Variants in PARD6G observed in about 807,000 individuals in gnomAD.
PARD6G encodes the protein par-6 family cell polarity regulator gamma.
A neutral mutation model predicts 10.7 loss-of-function variants in PARD6G; 7 were observed. That is an observed-to-expected ratio of 0.66 (90% CI 0.37 to 1.23). The LOEUF is 1.23. Among genes scored for constraint, PARD6G ranks in the 50% most tolerant of loss-of-function variants. The probability of loss-of-function intolerance (pLI) is 0.02; values close to 1 mark genes in which losing one functional copy is unlikely to be tolerated. For synonymous variants in PARD6G, 287 were observed against 269.4 expected (o/e 1.07, Z -0.64); for missense variants, 548 against 571.8 (o/e 0.96, Z 0.42).
chr18:80,204,203 C>T (rs189214627), intron 1 of PARD6G, among the ~76,000 whole-genome samples: 1 of 152,224 alleles, frequency 6.6e-6, no homozygotes, highest in African/African-American at 2.4e-5. Flanking sequence ...AGATTGGTTC[C>T]AAAATATATA....
In PARD6G at chr18:80,200,474, G is replaced by A. The variant is rs1461082158; in HGVS notation, c.295+2236C>T. Among the ~76,000 whole-genome samples, 1 of 152,148 alleles carries A rather than the reference G, an allele frequency of 6.6e-6. No individual in the cohort carries two copies. The highest frequency in any genetic ancestry group is 1.5e-5 in the Non-Finnish European group (1 of 68,034). On this transcript the variant is annotated intron_variant, in intron 2 of 2. Coordinates refer to ENST00000353265, the MANE Select transcript of PARD6G (RefSeq NM_032510.4). The surrounding 1 kb of genome is among the most constrained non-coding windows in gnomAD (Gnocchi z 4.4). Reference sequence around the variant, plus strand: ...ACCCCAGAGACAGGCACTACCACCCGTGCCACAGATGAGGACGGTAGAGCT... The same window carrying A: ...ACCCCAGAGACAGGCACTACCACCCATGCCACAGATGAGGACGGTAGAGCT...
Position 80,159,580 on chromosome 18 carries a change from C to G in PARD6G, c.*191G>C. 1 of 944,740 alleles carries G rather than the reference C, an allele frequency of 1.1e-6. No homozygotes were observed. The highest frequency in any genetic ancestry group is 1.4e-6 in the Non-Finnish European group (1 of 713,104). The allele number at this position is 944,740 out of a possible 1,614,324, so 58.5% of individuals were successfully genotyped here. On this transcript the variant is annotated 3_prime_UTR_variant, in exon 3 of 3. Transcript: ENST00000353265. ...GGTATAGAGTGTCTCTACAGGCGTT[C>G]ATTTTAAGTTCTGTGGCGAAATTCT...
At chr18:80,179,143 C>T (rs1036925632) in intron 2 of PARD6G, among the ~76,000 whole-genome samples, 17 of 152,134 alleles carry the variant, frequency 1.1e-4, no homozygotes, top group African/African-American at 3.4e-4. Context: ...CACCAGAAGC[C>T]GGCCCAGTGC....
At chr18:80,217,120 A>T (rs766841971) in intron 1 of PARD6G, among the ~76,000 whole-genome samples, 4 of 152,208 alleles carry the variant, frequency 2.6e-5, no homozygotes, top group Non-Finnish European at 4.4e-5. Context: ...CAAAGCCCAT[A>T]ATCATGTGGG....
intron 1 of PARD6G, among the ~76,000 whole-genome samples, chr18:80,216,196 C>T (rs1967163994): frequency 6.6e-6 from 1 of 151,960 alleles, no homozygotes. Flanking sequence ...TTTAATATCC[C>T]AATTTTTATA....
chr18:80,187,494 G>C (rs772059611), intron 2 of PARD6G, among the ~76,000 whole-genome samples: 4 of 152,226 alleles, frequency 2.6e-5, no homozygotes, highest in Non-Finnish European at 5.9e-5. Flanking sequence ...CCTCAGTGCG[G>C]CTGGGCTGTT....
chr18:80,237,424 TC>T (rs1345339034), intron 1 of PARD6G, among the ~76,000 whole-genome samples: 2 of 152,138 alleles, frequency 1.3e-5, no homozygotes, highest in Admixed American at 6.6e-5. Flanking sequence ...GCAATACCAT[TC>T]AGGACATAGG....
At position 80,210,594 on chromosome 18, in the gene PARD6G, T is replaced by C. The variant is rs540678287; in HGVS notation, c.73-7662A>G. Among the ~76,000 whole-genome samples the C allele has an allele frequency of 6.7e-4, 102 of 152,328 alleles. 1 individual carries two copies. The highest frequency in any genetic ancestry group is 2.3e-3 in the African/African-American group (94 of 41,570). ...AAAGCCTTGTCCCCAGGGCATTTGCTGAACACAATCAGCATCAGCTGTTTA... is the reference window on the plus strand; with the variant it reads ...AAAGCCTTGTCCCCAGGGCATTTGCCGAACACAATCAGCATCAGCTGTTTA... On this transcript the variant is annotated intron_variant, in intron 1 of 2. Coordinates refer to ENST00000353265, the MANE Select transcript of PARD6G (RefSeq NM_032510.4).
At chr18:80,219,028 C>T in intron 1 of PARD6G, among the ~76,000 whole-genome samples, 1 of 152,220 alleles carries the variant, frequency 6.6e-6, no homozygotes, top group Non-Finnish European at 1.5e-5. Context: ...CTGGACCTGG[C>T]CCAGGAAACC....
intron 1 of PARD6G, among the ~76,000 whole-genome samples, chr18:80,207,586 C>T (rs375267718): frequency 1.3e-5 from 2 of 152,314 alleles, no homozygotes; most frequent in South Asian, 2.1e-4. Flanking sequence ...CTATAACAAT[C>T]TATTTCATTT....
At chr18:80,166,529 C>T (rs965785466) in intron 2 of PARD6G, among the ~76,000 whole-genome samples, 1 of 148,986 alleles carries the variant, frequency 6.7e-6, no homozygotes, top group Non-Finnish European at 1.5e-5. Flanking sequence ...GTTACAGCCT[C>T]CTCCATGGTC....
At position 80,201,486 on chromosome 18, in the gene PARD6G, G is replaced by A. The variant is rs754822254; in HGVS notation, c.295+1224C>T. On this transcript the variant is annotated intron_variant, in intron 2 of 2. Transcript: ENST00000353265. This position sits in a 1 kb window ranked among gnomAD's most constrained non-coding sequence, Gnocchi z 5.9. ...TGATGTGGAAGCTGAAGCTCAGCCC[G>A]TCCCCCAGGCCACTGTGAGGAAGTG... 9.2e-5 allele frequency among the ~76,000 whole-genome samples: 14 copies of A among 152,188 alleles called. No homozygotes were observed. The highest frequency in any genetic ancestry group is 2.7e-4 in the African/African-American group (11 of 41,440).
intron 2 of PARD6G, among the ~76,000 whole-genome samples, chr18:80,173,772 C>A (rs988960042): frequency 6.6e-6 from 1 of 152,196 alleles, no homozygotes; most frequent in African/African-American, 2.4e-5. Context: ...AACCCAGACA[C>A]ACTTTTCTCT....
At chr18:80,178,896 C>T (rs1295652683) in intron 2 of PARD6G, among the ~76,000 whole-genome samples, 2 of 152,190 alleles carry the variant, frequency 1.3e-5, no homozygotes, top group African/African-American at 4.8e-5. Context: ...AGTAGCTCCT[C>T]TTCTGGGGAG....
chr18:80,220,141 A>C (rs1967213781), intron 1 of PARD6G, among the ~76,000 whole-genome samples: 1 of 152,222 alleles, frequency 6.6e-6, no homozygotes, highest in African/African-American at 2.4e-5. Flanking sequence ...TGGAAGGGGA[A>C]GCAAACATGT....
rs1472230633 is a variant in PARD6G at position 80,192,376 on chromosome 18, G to A, written c.295+10334C>T. Among the ~76,000 whole-genome samples, 2 of 152,148 alleles carry A rather than the reference G, an allele frequency of 1.3e-5. No individual in the cohort carries two copies. Among genetic ancestry groups the A allele is most frequent in the Admixed American group, 6.5e-5 (1 of 15,286 alleles). ...ATCTGTTTTGGAGCCCTTAGGTGAG[G>A]CCTCAACTGAATGCCAACCCTAACT... On this transcript the variant is annotated intron_variant, in intron 2 of 2. Transcript: ENST00000353265. This position sits in a 1 kb window ranked among gnomAD's most constrained non-coding sequence, Gnocchi z 4.9.
intron 1 of PARD6G, among the ~76,000 whole-genome samples, chr18:80,205,451 T>A (rs1167902586): frequency 1.3e-5 from 2 of 152,142 alleles, no homozygotes; most frequent in Non-Finnish European, 2.9e-5. Context: ...TGAATTGTAA[T>A]CCCCAGTGTT....
intron 1 of PARD6G, among the ~76,000 whole-genome samples, chr18:80,227,475 C>T (rs963813191): frequency 6.6e-6 from 1 of 152,230 alleles, no homozygotes; most frequent in Non-Finnish European, 1.5e-5. Context: ...AAGATGTTTT[C>T]AAGCAACAAA....
intron 1 of PARD6G, among the ~76,000 whole-genome samples, chr18:80,239,125 G>C (rs1477397027): frequency 6.6e-6 from 1 of 152,128 alleles, no homozygotes; most frequent in African/African-American, 2.4e-5. Flanking sequence ...ATGAGTGACT[G>C]ATGTGAAGGG....
Sources: allele counts gnomAD v4.1 joint callset (sites outside exome capture counted in the v4.1 genomes callset), GRCh38; gene constraint gnomAD v4.1.1; non-coding constraint Gnocchi (gnomAD v3.1); transcripts MANE v1.5; gene names NCBI Gene and HGNC (gene_info 2026-07-23, HGNC 2026-07-21).